Variants in TTN observed in about 807,000 individuals in gnomAD.
TTN encodes the protein titin, also known as connectin.
A neutral mutation model predicts 3,223.0 loss-of-function variants in TTN; 1,525 were observed. That is an observed-to-expected ratio of 0.47 (90% CI 0.45 to 0.49). The LOEUF is 0.49. Among genes scored for constraint, TTN ranks in the 20% least tolerant of loss-of-function variants. The probability of loss-of-function intolerance (pLI) is 0.00; values close to 1 mark genes in which losing one functional copy is unlikely to be tolerated. For missense variants in TTN, 40,786 were observed against 43,424.0 expected, an observed-to-expected ratio of 0.94 and a Z score of 5.40; for synonymous variants, 14,094 against 15,161.0, an observed-to-expected ratio of 0.93 and a Z score of 5.17.
In TTN at chr2:178,724,490, C is replaced by G; in HGVS notation, c.20885G>C (p.Gly6962Ala). ...CTTACACTCCAGAGTGCACGTTTCT[C>G]CTACAGTCACCGTCATCGGTCCTGC... ...EKAGPMTVTV[G>A]ETCTLECKVA... The change falls in exon 72 of 363, where the codon GGA (glycine) becomes GCA (alanine). Residue 6962 changes from glycine (G) to alanine (A), a missense_variant. Gly to Ala is a moderately conservative substitution (Grantham distance 60). Transcript: ENST00000589042. 6.2e-7 allele frequency: 1 copy of G among 1,609,058 alleles called. No homozygotes were observed. The highest frequency in any genetic ancestry group is 8.5e-7 in the Non-Finnish European group (1 of 1,176,112).
chr2:178,706,608 G>A lies in TTN; in HGVS notation c.29266C>T (p.Leu9756=). The change falls in exon 102 of 363, where the codon CTG becomes TTG. Residue 9756 remains leucine, a synonymous_variant. Transcript: ENST00000589042. ...FIHQKGDEAK[L]EIRDTTKTDS... is the part of the protein sequence containing the mutation. ...GTTTTTGTGGTGTCCCTAATCTCCA[G>A]TTTTGCTTCATCGCCTTTTTGGTGG... 1 of 1,613,876 alleles carries A rather than the reference G, an allele frequency of 6.2e-7. No individual in the cohort carries two copies. The highest frequency in any genetic ancestry group is 8.5e-7 in the Non-Finnish European group (1 of 1,179,844).
intron 50 of TTN, 71 bp from the exon 51 acceptor site, chr2:178,735,059 C>A (rs1253817545): frequency 3.5e-6 from 5 of 1,442,862 alleles, no homozygotes; most frequent in Non-Finnish European, 4.6e-6. Context: ...GAAAAGTAGA[C>A]ATATACAACA....
intron 241 of TTN, 82 bp downstream of exon 241, chr2:178,625,191 C>T (rs770922816): frequency 3.5e-4 from 517 of 1,484,808 alleles, no homozygotes; most frequent in Non-Finnish European, 4.5e-4. Flanking sequence ...CTATAGTACT[C>T]ATCATATAAA....
Position 178,590,670 on chromosome 2 carries a change from C to T in TTN, c.61055G>A (p.Gly20352Glu). Reference sequence around the variant, plus strand: ...AGAACTTGGGGATGGTTTGCTTAGTCCTGCAAGATTTTCAGCAAAAACTCT... The same window carrying T: ...AGAACTTGGGGATGGTTTGCTTAGTTCTGCAAGATTTTCAGCAAAAACTCT... Reference protein sequence around the residue: ...EFRVFAENLAGLSKPSPSSDP... With the variant: ...EFRVFAENLAELSKPSPSSDP... Residue 20352 changes from glycine (G) to glutamate (E), a missense_variant, in exon 304 of 363, where the codon GGA (glycine) becomes GAA (glutamate). Coordinates refer to ENST00000589042, the MANE Select transcript of TTN (RefSeq NM_001267550.2). The T allele has an allele frequency of 6.2e-7, 1 of 1,613,158 alleles. No individual in the cohort carries two copies.
At position 178,604,101 on chromosome 2, in the gene TTN, A is replaced by G; in HGVS notation, c.54586T>C (p.Ser18196Pro). The G allele has an allele frequency of 6.2e-7, 1 of 1,612,678 alleles. No homozygotes were observed. Among genetic ancestry groups the G allele is most frequent in the South Asian group, 1.1e-5 (1 of 90,986 alleles). Reference sequence around the variant, plus strand: ...TCCAGCCAGTAGCCAGTAATTGGAGAGCCACCATTGTCCAAAGGAGGAGTC... The same window carrying G: ...TCCAGCCAGTAGCCAGTAATTGGAGGGCCACCATTGTCCAAAGGAGGAGTC... ...SWTPPLDNGG[S>P]PITGYWLEKR... Residue 18196 changes from serine to proline, a missense_variant, in exon 282 of 363, where the codon TCT becomes CCT. Physicochemically the swap from Ser to Pro is moderately conservative, Grantham distance 74. Transcript: ENST00000589042.
rs765552420 is a variant in TTN, at chr2:178,767,676, T to C, written c.9471+83A>G. On this transcript the variant is annotated intron_variant, in intron 40 of 362. Transcript: ENST00000589042. ...TCTTTAAAGGATGGTGGTTAGAAAA[T>C]GTAAAAGGGAAACATTAAAATATAA... 504 of 1,573,904 alleles carry C rather than the reference T, an allele frequency of 3.2e-4. 1 individual carries two copies. The Middle Eastern group carries it at 6.0e-3, about 19-fold the overall frequency.
In TTN at chr2:178,676,537, T is replaced by C. The variant is rs75479263; in HGVS notation, c.34379-542A>G. Among the ~76,000 whole-genome samples the C allele has an allele frequency of 2.4e-3, 358 of 151,980 alleles. 1 individual carries two copies. The highest frequency in any genetic ancestry group is 8.3e-3 in the African/African-American group (345 of 41,512). ...TTGAATATGTTAAATCTGGATACTA[T>C]TCATTCAATGATAGACTACTTTAAT... On this transcript the variant is annotated intron_variant, in intron 147 of 362. Coordinates refer to ENST00000589042, the MANE Select transcript of TTN (RefSeq NM_001267550.2).
chr2:178,769,082 G>A (rs2091036908), intron 37 of TTN, 149 bp from the exon 38 acceptor site: 7 of 880,056 alleles, frequency 8.0e-6, no homozygotes, highest in Admixed American at 2.1e-5. Flanking sequence ...TACCTTCCAT[G>A]TACTATACAG....
chr2:178,777,248 C>G lies in TTN; in HGVS notation c.4715G>C (p.Arg1572Pro). ...LKNVNIKEGS[R>P]LEMKVRATGN... ...CGTAGCTCTGACTTTCATTTCAAGTCGGGAACCTTCCTTTATATTGACATT... is the reference window on the plus strand; with the variant it reads ...CGTAGCTCTGACTTTCATTTCAAGTGGGGAACCTTCCTTTATATTGACATT... Residue 1572 changes from arginine (R) to proline (P), a missense_variant, in exon 27 of 363, where the codon CGA becomes CCA. Transcript: ENST00000589042. The G allele has an allele frequency of 1.9e-6, 3 of 1,613,980 alleles. No homozygotes were observed. The highest frequency in any genetic ancestry group is 2.5e-6 in the Non-Finnish European group (3 of 1,179,958).
chr2:178,747,719 T>C, intron 47 of TTN: 2 of 1,612,090 alleles, frequency 1.2e-6, no homozygotes, highest in East Asian at 2.2e-5. Context: ...CTCAGTGGTA[T>C]GTGCCTCATC....
In TTN at chr2:178,573,422, T is replaced by C; in HGVS notation, c.72710A>G (p.Asp24237Gly). 1 of 1,518,920 alleles carries C rather than the reference T, an allele frequency of 6.6e-7. No individual in the cohort carries two copies. Among genetic ancestry groups the C allele is most frequent in the Non-Finnish European group, 8.8e-7 (1 of 1,136,424 alleles). 94.1% of individuals were successfully genotyped at this position (1,518,920 alleles called of 1,614,324 possible). A position where few individuals can be genotyped will look rare whatever the true frequency, so the allele number is the denominator to read the frequency against. The change falls in exon 326 of 363, where the codon GAT becomes GGT. Residue 24237 changes from aspartate to glycine, a missense_variant. By Grantham distance (94) the Asp-to-Gly change is moderately conservative. Coordinates refer to ENST00000589042, the MANE Select transcript of TTN (RefSeq NM_001267550.2). ...ATGTCCCCAGCAGACAACCATCGAATCTTTAGTAATAGTTGTCACTTCAGG... is the reference window on the plus strand; with the variant it reads ...ATGTCCCCAGCAGACAACCATCGAACCTTTAGTAATAGTTGTCACTTCAGG... ...KNPEVTTITK[D>G]SMVVCWGHPD...
At position 178,551,192 on chromosome 2, in the gene TTN, A is replaced by G. The variant is rs397517753; in HGVS notation, c.91339T>C (p.Leu30447=). ...ACAATCTTACTGCCTCCATCACGCA[A>G]TGGTGGGTTCCATTTAAGTGTGATG... ...ETITLKWNPP[L]RDGGSKIVGY... The change falls in exon 336 of 363, where the codon TTG becomes CTG. Residue 30447 remains leucine (L), a synonymous_variant. Coordinates refer to ENST00000589042, the MANE Select transcript of TTN (RefSeq NM_001267550.2). The G allele has an allele frequency of 3.7e-6, 6 of 1,613,462 alleles. No homozygotes were observed. The highest frequency in any genetic ancestry group is 2.7e-5 in the African/African-American group (2 of 74,886).
In TTN at chr2:178,562,534, T is replaced by C; in HGVS notation, c.83598A>G (p.Pro27866=). The C allele has an allele frequency of 1.2e-6, 2 of 1,610,320 alleles. No homozygotes were observed. Among genetic ancestry groups the C allele is most frequent in the Non-Finnish European group, 1.7e-6 (2 of 1,178,650 alleles). Reference sequence around the variant, plus strand: ...CATCAACAAGAGTTACTCTTCCAGGTGGGAGGGGTGGTTCAGACACTTTAA... The same window carrying C: ...CATCAACAAGAGTTACTCTTCCAGGCGGGAGGGGTGGTTCAGACACTTTAA... The part of the protein sequence containing the change: ...EPVKVSEPPL[P]PGRVTLVDVT... The change falls in exon 326 of 363, where the codon CCA becomes CCG. Residue 27866 remains proline (P), a synonymous_variant. Coordinates refer to ENST00000589042, the MANE Select transcript of TTN (RefSeq NM_001267550.2).
At position 178,651,941 on chromosome 2, in the gene TTN, G is replaced by A. The variant is rs1382053001; in HGVS notation, c.39322C>T (p.Leu13108=). 1 of 1,610,092 alleles carries A rather than the reference G, an allele frequency of 6.2e-7. No individual in the cohort carries two copies. The highest frequency in any genetic ancestry group is 8.5e-7 in the Non-Finnish European group (1 of 1,178,252). ...ACAACTTCAGCAGGAGGCTCTTCTA[G>A]GGCAACTTCCTCAGGCTCCTCGAAC... is the stretch of plus-strand genomic sequence containing the variant. ...EVFEEPEEVA[L]EEPPAEVVEE... Residue 13108 remains leucine, a synonymous_variant, in exon 205 of 363, where the codon CTA becomes TTA. Coordinates refer to ENST00000589042, the MANE Select transcript of TTN (RefSeq NM_001267550.2).
rs2075650814 is a variant in TTN, at chr2:178,705,156, A to G, written c.29604+18T>C. 3.1e-6 allele frequency: 5 copies of G among 1,606,952 alleles called. No homozygotes were observed. Among genetic ancestry groups the G allele is most frequent in the South Asian group, 1.1e-5 (1 of 89,128 alleles). On this transcript the variant is annotated intron_variant, in intron 103 of 362. Transcript: ENST00000589042. ...AATGTGACTTTTTTAGCATGATGCT[A>G]TATATGAAGGAGCATACCAGTCTAT... is the stretch of plus-strand genomic sequence containing the variant.
chr2:178,667,271 G>C lies in TTN; in HGVS notation c.35762C>G (p.Ala11921Gly), dbSNP rs1285683785. 5.0e-6 allele frequency: 8 copies of C among 1,605,100 alleles called. No homozygotes were observed. The highest frequency in any genetic ancestry group is 6.8e-6 in the Non-Finnish European group (8 of 1,175,912). Reference protein sequence around the residue: ...GIFPEVEPPEAIPEIPEHPPT... With the variant: ...GIFPEVEPPEGIPEIPEHPPT... ...AGGATGTTCTGGAATTTCAGGAATA[G>C]CCTCAGGTGGCTCCACCTCTGGAAA... The change falls in exon 162 of 363, where the codon GCT (alanine) becomes GGT (glycine). Residue 11921 changes from alanine to glycine, a missense_variant. Physicochemically the swap from Ala to Gly is moderately conservative, Grantham distance 60. Coordinates refer to ENST00000589042, the MANE Select transcript of TTN (RefSeq NM_001267550.2).
Position 178,614,222 on chromosome 2 carries a change from G to T in TTN, c.49175C>A (p.Ala16392Glu), listed in dbSNP as rs750310775. Residue 16392 changes from alanine to glutamate, a missense_variant, in exon 262 of 363, where the codon GCA (alanine) becomes GAA (glutamate). Transcript: ENST00000589042. ...KITNYVVERR[A>E]TDSEVWHKLS... ...CTTGTGCCACACTTCACTATCAGTTGCTCGTCTCTCCACAACATAGTTTGT... is the reference window on the plus strand; with the variant it reads ...CTTGTGCCACACTTCACTATCAGTTTCTCGTCTCTCCACAACATAGTTTGT... The T allele has an allele frequency of 1.2e-5, 19 of 1,612,508 alleles. No individual in the cohort carries two copies. The highest frequency in any genetic ancestry group is 1.5e-5 in the Non-Finnish European group (18 of 1,179,224).
At chr2:178,543,764 A>G (rs576025715) in intron 346 of TTN, 70 bp downstream of exon 346, 218 of 1,574,086 alleles carry the variant, frequency 1.4e-4, no homozygotes, top group Middle Eastern at 6.9e-4. Context: ...GAGGTGATCA[A>G]TCATAGGTCA....
intron 122 of TTN, 53 bp from the exon 123 acceptor site, chr2:178,689,648 C>A: frequency 6.6e-7 from 1 of 1,523,650 alleles, no homozygotes; most frequent in Non-Finnish European, 8.9e-7. Flanking sequence ...TAGCTATGCA[C>A]AGTTATTTTT....
Sources: allele counts gnomAD v4.1 joint callset (sites outside exome capture counted in the v4.1 genomes callset), GRCh38; gene constraint gnomAD v4.1.1; transcripts MANE v1.5; gene names NCBI Gene and HGNC (gene_info 2026-07-23, HGNC 2026-07-21).